EDA: variants seen among roughly 807,000 people sequenced by gnomAD.
EDA encodes ectodysplasin-A.
EDA carries 2 observed loss-of-function variants against 23.6 expected under a neutral mutation model. The observed-to-expected ratio is 0.08, with a 90% CI of 0.03 to 0.27. The LOEUF is 0.27. Ranked by LOEUF, EDA falls within the 10% of genes least tolerant of loss-of-function variation. EDA has a pLI of 1.00. For synonymous variants in EDA, 131 were observed against 132.0 expected, an observed-to-expected ratio of 0.99 and a Z score of 0.05; for missense variants, 229 against 324.2, an observed-to-expected ratio of 0.71 and a Z score of 2.26.
At chrX:69,849,082 TACACACACACACACACACACACACAC>T (rs370800783) in intron 1 of EDA, among the ~76,000 whole-genome samples, 7,816 of 56,990 alleles carry the variant, frequency 0.14, 244 homozygotes, top group Middle Eastern at 0.26. Context: ...AAAGTCTATA[TACACACACACACACACACACACACAC>T]ACACACACAC....
chrX:69,890,252 C>A (rs1482191743), intron 1 of EDA, among the ~76,000 whole-genome samples: 1 of 111,274 alleles, frequency 9.0e-6, no homozygotes, highest in Non-Finnish European at 1.9e-5. Flanking sequence ...GAAAAACATT[C>A]CATGCTCATG....
intron 1 of EDA, among the ~76,000 whole-genome samples, chrX:69,933,318 T>C (rs1465866221): frequency 8.9e-6 from 1 of 112,157 alleles, no homozygotes; most frequent in African/African-American, 3.2e-5. Flanking sequence ...ACTTGTTTTT[T>C]TCTGGATTTT....
intron 1 of EDA, among the ~76,000 whole-genome samples, chrX:69,712,255 C>A (rs928306710): frequency 9.0e-6 from 1 of 111,087 alleles, no homozygotes; most frequent in African/African-American, 3.3e-5. Flanking sequence ...ATTATGTATC[C>A]AGTAGTCATT....
chrX:69,783,744 A>G (rs2015040449), intron 1 of EDA, among the ~76,000 whole-genome samples: 1 of 110,826 alleles, frequency 9.0e-6, no homozygotes, highest in South Asian at 3.8e-4. Flanking sequence ...TAATGCTGCA[A>G]TAAACATACG....
intron 1 of EDA, among the ~76,000 whole-genome samples, chrX:69,928,174 G>A (rs2018549371): frequency 1.8e-5 from 2 of 110,467 alleles, no homozygotes; most frequent in Admixed American, 9.7e-5. Context: ...CATCTCTATC[G>A]AGCAAACTAC....
chrX:69,777,587 A>G (rs1020252802), intron 1 of EDA, among the ~76,000 whole-genome samples: 21 of 110,744 alleles, frequency 1.9e-4, no homozygotes, highest in African/African-American at 6.6e-4. Flanking sequence ...TTTTCATCTG[A>G]CTGTATCCTT....
chrX:69,790,425 G>T (rs979410427), intron 1 of EDA, among the ~76,000 whole-genome samples: 2 of 110,687 alleles, frequency 1.8e-5, no homozygotes, highest in African/African-American at 6.6e-5. Flanking sequence ...TTGCTTAGCC[G>T]TATATTTTAT....
At chrX:70,016,836 C>T (rs149941328) in intron 2 of EDA, among the ~76,000 whole-genome samples, 13 of 111,256 alleles carry the variant, frequency 1.2e-4, no homozygotes, top group East Asian at 1.1e-3. Context: ...CCCATACTAG[C>T]GGAAGACAAG....
intron 1 of EDA, among the ~76,000 whole-genome samples, chrX:69,881,527 A>C (rs1368263032): frequency 9.0e-6 from 1 of 111,440 alleles, no homozygotes; most frequent in Non-Finnish European, 1.9e-5. Context: ...TCCTTAGCCC[A>C]GTTGCCATAG....
At chrX:69,705,908 C>G (rs753691122) in intron 1 of EDA, among the ~76,000 whole-genome samples, 1 of 111,776 alleles carries the variant, frequency 8.9e-6, no homozygotes, top group Non-Finnish European at 1.9e-5. Context: ...ATTATTTGCT[C>G]AAACCAAGAA....
chrX:70,035,929 A>G lies in EDA; in HGVS notation c.*320A>G, dbSNP rs921817619. Reference sequence around the variant, plus strand: ...TGTCAGATCTATTGTTTGTTGCACTAAAATGAGGATCCAGGGCAGCAGGCC... The same window carrying G: ...TGTCAGATCTATTGTTTGTTGCACTGAAATGAGGATCCAGGGCAGCAGGCC... On this transcript the variant is annotated 3_prime_UTR_variant, in exon 8 of 8. Coordinates refer to ENST00000374552, the MANE Select transcript of EDA (RefSeq NM_001399.5). 8 of 320,744 alleles carry G rather than the reference A, an allele frequency of 2.5e-5. No homozygotes were observed. The highest frequency in any genetic ancestry group is 3.8e-5 in the Non-Finnish European group (7 of 184,506). 26.4% of individuals were successfully genotyped at this position (320,744 alleles called of 1,213,427 possible).
Position 69,975,454 on chromosome X carries a change from G to A in EDA, c.502+18322G>A, listed in dbSNP as rs111730006. On this transcript the variant is annotated intron_variant, in intron 2 of 7. Coordinates refer to ENST00000374552, the MANE Select transcript of EDA (RefSeq NM_001399.5). ...ATAAAGATGGCAACAATAGACACTG[G>A]GGACTACATGTGGAGGGAGGGAAGG... 8.7e-3 allele frequency among the ~76,000 whole-genome samples: 961 copies of A among 109,888 alleles called. 12 individuals are homozygous for A. The highest frequency in any genetic ancestry group is 0.03 in the African/African-American group (912 of 30,212).
rs183693811 is a variant in EDA, at chrX:69,928,152, C to A, written c.397-28875C>A. Among the ~76,000 whole-genome samples, 93 of 111,022 alleles carry A rather than the reference C, an allele frequency of 8.4e-4. 1 individual carries two copies. In the South Asian group the frequency reaches 0.02, roughly 24 times the overall value. ...CATACTATTCCGTCTGTCTAGGATA[C>A]CCCTTCAGTTCCATCTCTATCGAGC... On this transcript the variant is annotated intron_variant, in intron 1 of 7. Transcript: ENST00000374552.
chrX:70,030,417 G>A, intron 5 of EDA, 52 bp from the exon 6 acceptor site: 1 of 1,074,587 alleles, frequency 9.3e-7, no homozygotes, highest in South Asian at 1.9e-5. Flanking sequence ...TGGTGGCTGA[G>A]CAAGCAGCCA....
At chrX:69,722,262 G>T (rs2012611345) in intron 1 of EDA, among the ~76,000 whole-genome samples, 1 of 110,247 alleles carries the variant, frequency 9.1e-6, no homozygotes, top group East Asian at 2.8e-4. Flanking sequence ...CTGGAGTGCA[G>T]TGGTGCTATC....
chrX:69,877,486 G>A lies in EDA; in HGVS notation c.397-79541G>A, dbSNP rs1008321567. On this transcript the variant is annotated intron_variant, in intron 1 of 7. Transcript: ENST00000374552. ...AAAGTTGAATATCTTTTATAATGTA[G>A]TAAAGTGTCAGTTTAAACCTGTTAC... Among the ~76,000 whole-genome samples the A allele has an allele frequency of 6.2e-5, 7 of 112,021 alleles. No homozygotes were observed. The East Asian group carries it at 1.4e-3, about 22-fold the overall frequency.
Position 69,836,739 on chromosome X carries a change from C to T in EDA, c.397-120288C>T, listed in dbSNP as rs1015382826. On this transcript the variant is annotated intron_variant, in intron 1 of 7. Transcript: ENST00000374552. ...TTCAGCTCACCCTCCATGGGCTGCACCCACTGTCCATCCAGTCTCAATGAG... is the reference window on the plus strand; with the variant it reads ...TTCAGCTCACCCTCCATGGGCTGCATCCACTGTCCATCCAGTCTCAATGAG... Among the ~76,000 whole-genome samples the T allele has an allele frequency of 4.5e-5, 5 of 112,300 alleles. No individual in the cohort carries two copies. The Admixed American group carries it at 4.7e-4, about 11-fold the overall frequency.
intron 1 of EDA, among the ~76,000 whole-genome samples, chrX:69,910,350 G>GGAGA (rs1181006363): frequency 2.4e-3 from 153 of 63,523 alleles, no homozygotes; most frequent in East Asian, 0.016. Flanking sequence ...GCTAGGTAAA[G>GGAGA]GAGAGAGAGA....
intron 1 of EDA, among the ~76,000 whole-genome samples, chrX:69,799,957 C>A (rs982844799): frequency 8.9e-6 from 1 of 112,053 alleles, no homozygotes; most frequent in Non-Finnish European, 1.9e-5. Flanking sequence ...AATCAAGATA[C>A]GGAGTCAACC....
Sources: gnomAD v4.1 joint callset for allele counts (sites outside exome capture counted in the v4.1 genomes callset) on GRCh38, gnomAD v4.1.1 for gene constraint, MANE v1.5 for transcripts, NCBI Gene and HGNC (gene_info 2026-07-23, HGNC 2026-07-21) for gene names.